Variants in CCNH observed in about 807,000 individuals in gnomAD.
The protein encoded by CCNH is cyclin-H.
In CCNH, 31 loss-of-function variants were observed where a neutral mutation model predicts 41.9. The observed-to-expected ratio is 0.74, with a 90% confidence interval of 0.56 to 1.00. The LOEUF is 1.00. CCNH is among the 50% of genes least tolerant of loss of function. The pLI is 0.00. For synonymous variants in CCNH, 138 were observed against 136.1 expected (o/e 1.01, Z -0.10); for missense variants, 362 against 388.4 (o/e 0.93, Z 0.57).
At chr5:87,373,837 TTTC>T (rs1219262491), downstream of CCNH, among the ~76,000 whole-genome samples, 1 of 152,064 alleles carries the variant, frequency 6.6e-6, no homozygotes, top group Non-Finnish European at 1.5e-5. Flanking sequence ...AATAAAGAAT[TTTC>T]TTCTTAACTT....
At chr5:87,392,292 AAGATGTCTGCTTAGTAGTT>A (rs1424175601), downstream of CCNH, 1 of 455,874 alleles carries the variant, frequency 2.2e-6, no homozygotes, top group East Asian at 6.9e-5. Context: ...AAGGGCTTAA[AAGATGTCTGCTTAGTAGTT>A]CCAAGCTACA....
downstream of CCNH, chr5:87,376,204 T>TCAGA: frequency 1.5e-6 from 1 of 663,516 alleles, no homozygotes; most frequent in South Asian, 1.9e-5. Context: ...TCTCTACCTA[T>TCAGA]CAGAGTTTAG....
intron 9 of CCNH, among the ~76,000 whole-genome samples, chr5:87,337,384 G>A (rs1428146213): frequency 6.6e-6 from 1 of 151,980 alleles, no homozygotes; most frequent in Non-Finnish European, 1.5e-5. Flanking sequence ...CACTTTCAGA[G>A]AAAGAATGCT....
At chr5:87,408,401 G>T (rs1054883661) in intron 3 of CCNH, among the ~76,000 whole-genome samples, 5 of 152,080 alleles carry the variant, frequency 3.3e-5, no homozygotes, top group African/African-American at 4.8e-5. Context: ...ATAAAATTAG[G>T]TCAAACCAAT....
intron 9 of CCNH, among the ~76,000 whole-genome samples, chr5:87,334,312 G>A (rs980540275): frequency 2.0e-5 from 3 of 152,186 alleles, no homozygotes; most frequent in South Asian, 2.1e-4. Context: ...TAAGGCAGCA[G>A]AAAGGGATGA....
At chr5:87,368,626 C>T (rs899492207) in intron 9 of CCNH, among the ~76,000 whole-genome samples, 1 of 152,204 alleles carries the variant, frequency 6.6e-6, no homozygotes, top group Non-Finnish European at 1.5e-5. Flanking sequence ...CATGAAGGCA[C>T]AGCCCTTCAG....
At chr5:87,390,373 C>CT (rs546504910), downstream of CCNH, among the ~76,000 whole-genome samples, 88 of 152,246 alleles carry the variant, frequency 5.8e-4, no homozygotes, top group African/African-American at 2.1e-3. Flanking sequence ...AGTTTGGTGA[C>CT]TGAGTTCTCT....
At chr5:87,367,012 C>T (rs527885936) in intron 9 of CCNH, among the ~76,000 whole-genome samples, 8 of 152,316 alleles carry the variant, frequency 5.3e-5, no homozygotes, top group African/African-American at 1.9e-4. Flanking sequence ...ACACCCATGG[C>T]AGAGTGAGGC....
chr5:87,386,516 T>C (rs1471116216), downstream of CCNH, among the ~76,000 whole-genome samples: 1 of 152,046 alleles, frequency 6.6e-6, no homozygotes, highest in Non-Finnish European at 1.5e-5. Flanking sequence ...CCAGGCTATG[T>C]GTTACGATTT....
At chr5:87,372,868 T>C (rs1761050897), downstream of CCNH, among the ~76,000 whole-genome samples, 1 of 152,200 alleles carries the variant, frequency 6.6e-6, no homozygotes. Context: ...TGCGAATATC[T>C]GATAAGCTGA....
At chr5:87,317,601 CT>C (rs1395673350), downstream of CCNH, among the ~76,000 whole-genome samples, 3 of 150,862 alleles carry the variant, frequency 2.0e-5, no homozygotes, top group East Asian at 3.9e-4. Flanking sequence ...AAAAGATGAC[CT>C]TTTTCCCTAA....
At chr5:87,370,969 C>T (rs1457175829) in intron 9 of CCNH, among the ~76,000 whole-genome samples, 1 of 152,038 alleles carries the variant, frequency 6.6e-6, no homozygotes, top group African/African-American at 2.4e-5. Context: ...TAAAATTTTA[C>T]GGCTATGTAT....
At position 87,369,829 on chromosome 5, in the gene CCNH, A is replaced by G. The variant is rs1760799694; in HGVS notation, c.*90+22941T>C. On this transcript the variant is annotated intron_variant and NMD_transcript_variant, in intron 9 of 9. Coordinates refer to the CCNH transcript ENST00000645953. ...ATTTTAAAGGCCAAACTGTTTTCAGATAGTAGTTCAGCACTTTAGTGAAGA... is the reference window on the plus strand; with the variant it reads ...ATTTTAAAGGCCAAACTGTTTTCAGGTAGTAGTTCAGCACTTTAGTGAAGA... The G allele has an allele frequency of 6.2e-7, 1 of 1,611,624 alleles. No homozygotes were observed. The highest frequency in any genetic ancestry group is 1.1e-5 in the South Asian group (1 of 90,838).
chr5:87,379,920 C>T (rs1230466101), upstream of CCNH: 13 of 1,458,762 alleles, frequency 8.9e-6, no homozygotes, highest in African/African-American at 2.8e-5. Context: ...ATTTCTAAAA[C>T]GTGAAAGCTT....
downstream of CCNH, chr5:87,394,216 T>C: frequency 1.7e-6 from 2 of 1,171,020 alleles, no homozygotes; most frequent in Non-Finnish European, 2.1e-6. Flanking sequence ...GAGTTGCAGC[T>C]TTAATTTGAT....
intron 9 of CCNH, among the ~76,000 whole-genome samples, chr5:87,362,060 G>C (rs1395844657): frequency 1.3e-5 from 2 of 152,092 alleles, no homozygotes; most frequent in Non-Finnish European, 2.9e-5. Flanking sequence ...GGAACTGTTA[G>C]GTATTTGAAG....
chr5:87,375,993 G>C (rs994877911), downstream of CCNH, among the ~76,000 whole-genome samples: 1 of 152,032 alleles, frequency 6.6e-6, no homozygotes, highest in African/African-American at 2.4e-5. Context: ...TACACCTCTA[G>C]ATCTCGTCCG....
chr5:87,390,752 T>C (rs377521426), downstream of CCNH: 1,285 of 1,506,226 alleles, frequency 8.5e-4, 1 homozygote, highest in South Asian at 1.4e-3. Flanking sequence ...ATCCTGAAAT[T>C]GCTGACCGAG....
intron 9 of CCNH, among the ~76,000 whole-genome samples, chr5:87,342,309 A>C (rs1036722053): frequency 1.3e-5 from 2 of 151,912 alleles, no homozygotes; most frequent in African/African-American, 4.8e-5. Context: ...CCGGCGCACA[A>C]CACCATGCTA....
Sources: gnomAD v4.1 joint callset for allele counts (sites outside exome capture counted in the v4.1 genomes callset) on GRCh38, gnomAD v4.1.1 for gene constraint, MANE v1.5 for transcripts, NCBI Gene and HGNC (gene_info 2026-07-23, HGNC 2026-07-21) for gene names.